PNLIP: variants seen among roughly 807,000 people sequenced by gnomAD.
The protein encoded by PNLIP is pancreatic lipase.
PNLIP carries 49 observed loss-of-function variants against 57.1 expected under a neutral mutation model. The observed-to-expected ratio is 0.86, with a 90% CI of 0.68 to 1.09. The LOEUF (loss-of-function observed/expected upper bound fraction) is 1.09. PNLIP is among the 50% of genes least tolerant of loss of function. The probability of loss-of-function intolerance (pLI) is 0.00; values close to 1 mark genes in which losing one functional copy is unlikely to be tolerated. For synonymous variants in PNLIP, 209 were observed against 200.4 expected (o/e 1.04, Z -0.36); for missense variants, 503 against 570.2 (o/e 0.88, Z 1.20).
intron 4 of PNLIP, among the ~76,000 whole-genome samples, chr10:116,549,116 T>G (rs1847161087): frequency 6.6e-6 from 1 of 152,204 alleles, no homozygotes; most frequent in Non-Finnish European, 1.5e-5. Flanking sequence ...TATTTATTCA[T>G]GTATTCATCA....
At chr10:116,546,419 A>G (rs965128009) in intron 2 of PNLIP, among the ~76,000 whole-genome samples, 1 of 152,218 alleles carries the variant, frequency 6.6e-6, no homozygotes, top group African/African-American at 2.4e-5. Context: ...CTGAAATTCA[A>G]ATTTACTTGT....
In PNLIP at chr10:116,551,163, A is replaced by G. The variant is rs750656848; in HGVS notation, c.390A>G (p.Gly130=). 1 of 1,613,206 alleles carries G rather than the reference A, an allele frequency of 6.2e-7. No individual in the cohort carries two copies. The highest frequency in any genetic ancestry group is 8.5e-7 in the Non-Finnish European group (1 of 1,179,528). ...CVDWKGGSRT[G]YTQASQNIRI... ...ACTGGAAAGGTGGCTCCCGAACTGGATACACACAAGCCTCGCAGAACATCA... is the reference window on the plus strand; with the variant it reads ...ACTGGAAAGGTGGCTCCCGAACTGGGTACACACAAGCCTCGCAGAACATCA... Residue 130 remains glycine, a synonymous_variant, in exon 5 of 13, where the codon GGA becomes GGG. Coordinates refer to ENST00000369221, the MANE Select transcript of PNLIP (RefSeq NM_000936.4).
chr10:116,563,185 T>TCACTTAACTCAAG (rs1354058440), intron 12 of PNLIP, among the ~76,000 whole-genome samples: 1 of 152,216 alleles, frequency 6.6e-6, no homozygotes, highest in Non-Finnish European at 1.5e-5. Flanking sequence ...TAAGTGTTTC[T>TCACTTAACTCAAG]CATCCAAAAT....
At chr10:116,558,750 G>C (rs551416744) in intron 9 of PNLIP, among the ~76,000 whole-genome samples, 1 of 151,262 alleles carries the variant, frequency 6.6e-6, no homozygotes, top group East Asian at 2.0e-4. Flanking sequence ...TCAGCCTCCA[G>C]AGTAGCTAGG....
At chr10:116,552,758 C>T (rs190806503) in intron 5 of PNLIP, among the ~76,000 whole-genome samples, 5 of 151,828 alleles carry the variant, frequency 3.3e-5, no homozygotes, top group South Asian at 2.1e-4. Flanking sequence ...TGGTGGTGGG[C>T]GCCTGTAGTC....
chr10:116,566,662 T>G (rs3010492), intron 12 of PNLIP, among the ~76,000 whole-genome samples: 1 of 152,030 alleles, frequency 6.6e-6, no homozygotes, highest in African/African-American at 2.4e-5. Context: ...ATTAAGGTAC[T>G]GTTTCTGAAT....
chr10:116,566,146 T>A (rs1194845561), intron 12 of PNLIP, among the ~76,000 whole-genome samples: 1 of 152,158 alleles, frequency 6.6e-6, no homozygotes, highest in Non-Finnish European at 1.5e-5. Flanking sequence ...GAAGTAGAAA[T>A]AATCCAAATG....
chr10:116,558,738 C>A (rs991039679), intron 9 of PNLIP, among the ~76,000 whole-genome samples: 2 of 151,808 alleles, frequency 1.3e-5, no homozygotes, highest in Non-Finnish European at 2.9e-5. Flanking sequence ...GATTCTCCTG[C>A]CTCAGCCTCC....
At chr10:116,560,550 C>CTTTTTTTT (rs753235094) in intron 11 of PNLIP, 26 bp downstream of exon 11, 16 of 504,524 alleles carry the variant, frequency 3.2e-5, no homozygotes, top group East Asian at 7.7e-5. Flanking sequence ...TTGCTCTATG[C>CTTTTTTTT]TTTTTTTTTT....
At chr10:116,548,529 A>G (rs923239189) in intron 4 of PNLIP, 47 bp downstream of exon 4, 1 of 1,599,894 alleles carries the variant, frequency 6.3e-7, no homozygotes, top group African/African-American at 1.3e-5. Context: ...CAAAGTGGTA[A>G]TTAACAAACG....
At chr10:116,553,924 T>C in intron 6 of PNLIP, 86 bp downstream of exon 6, 4 of 660,668 alleles carry the variant, frequency 6.1e-6, no homozygotes, top group South Asian at 3.9e-5. Flanking sequence ...CTGGGCAACA[T>C]AGCGAGACTC....
chr10:116,567,450 G>A (rs1847381241), intron 12 of PNLIP, among the ~76,000 whole-genome samples: 1 of 152,140 alleles, frequency 6.6e-6, no homozygotes, highest in Non-Finnish European at 1.5e-5. Context: ...TGGTTGACAT[G>A]GGCTAAGTGT....
chr10:116,551,186 T>C lies in PNLIP; in HGVS notation c.413T>C (p.Ile138Thr). 6.2e-7 allele frequency: 1 copy of C among 1,612,204 alleles called. No homozygotes were observed. Among genetic ancestry groups the C allele is most frequent in the Non-Finnish European group, 8.5e-7 (1 of 1,179,324 alleles). ...RTGYTQASQN[I>T]RIVGAEVAYF... ...GGATACACACAAGCCTCGCAGAACATCAGGATCGTGGGAGCAGAAGTGGCA... is the reference window on the plus strand; with the variant it reads ...GGATACACACAAGCCTCGCAGAACACCAGGATCGTGGGAGCAGAAGTGGCA... Residue 138 changes from isoleucine (I) to threonine (T), a missense_variant, in exon 5 of 13, where the codon ATC becomes ACC. Transcript: ENST00000369221.
At chr10:116,564,281 T>C (rs1247541937) in intron 12 of PNLIP, among the ~76,000 whole-genome samples, 2 of 151,706 alleles carry the variant, frequency 1.3e-5, no homozygotes, top group Non-Finnish European at 2.9e-5. Flanking sequence ...AAAGACAAAA[T>C]ATTGAAAGCA....
chr10:116,550,727 A>G (rs1395044272), intron 4 of PNLIP, among the ~76,000 whole-genome samples: 7 of 152,198 alleles, frequency 4.6e-5, no homozygotes, highest in African/African-American at 1.4e-4. Context: ...AAGGTAAACA[A>G]TGTCCTTGGG....
rs189499603 is a variant in PNLIP at position 116,555,372 on chromosome 10, A to G, written c.692-16A>G. The G allele has an allele frequency of 3.7e-4, 593 of 1,614,106 alleles. 1 individual carries two copies. In the African/African-American group the frequency reaches 7.2e-3, roughly 20 times the overall value. On this transcript the variant is annotated splice_polypyrimidine_tract_variant and intron_variant, in intron 7 of 12. Coordinates refer to ENST00000369221, the MANE Select transcript of PNLIP (RefSeq NM_000936.4). ...TATACATTAGCATAAACCCTCATGT[A>G]TTTTTATGATTTCAGGGTTTGGAAT...
intron 3 of PNLIP, 150 bp downstream of exon 3, chr10:116,547,598 C>A: frequency 1.6e-6 from 1 of 614,282 alleles, no homozygotes; most frequent in Non-Finnish European, 2.8e-6. Flanking sequence ...TGGTGGCAGG[C>A]GCCTGTAGTC....
chr10:116,553,684 G>T, intron 5 of PNLIP, 43 bp from the exon 6 acceptor site: 1 of 1,176,436 alleles, frequency 8.5e-7, no homozygotes, highest in South Asian at 1.2e-5. Flanking sequence ...AGCAACTCAT[G>T]ACTGCACTTG....
intron 8 of PNLIP, 121 bp from the exon 9 acceptor site, chr10:116,555,879 T>C: frequency 1.4e-6 from 1 of 692,014 alleles, no homozygotes. Context: ...ATGACTTTGT[T>C]CTGTGACCTG....
Sources: gnomAD v4.1 joint callset for allele counts (sites outside exome capture counted in the v4.1 genomes callset) on GRCh38, gnomAD v4.1.1 for gene constraint, MANE v1.5 for transcripts, NCBI Gene and HGNC (gene_info 2026-07-23, HGNC 2026-07-21) for gene names.